The following ADAP2 variants were observed in gnomAD, a reference collection of about 807,000 sequenced individuals.
The protein encoded by ADAP2 is arf-GAP with dual PH domain-containing protein 2.
ADAP2 carries 42 observed loss-of-function variants against 54.9 expected under a neutral mutation model. The ratio of observed to expected loss-of-function variants is 0.77; its 90% confidence interval spans 0.60 to 0.99. The LOEUF (loss-of-function observed/expected upper bound fraction) is 0.99. Among genes scored for constraint, ADAP2 ranks in the 50% least tolerant of loss-of-function variants. The probability of loss-of-function intolerance (pLI) is 0.00; values close to 1 mark genes in which losing one functional copy is unlikely to be tolerated. For synonymous variants in ADAP2, 177 were observed against 180.1 expected (o/e 0.98, Z 0.14); for missense variants, 429 against 480.4 (o/e 0.89, Z 1.00).
At chr17:30,935,001 C>T (rs185913481) in intron 5 of ADAP2, among the ~76,000 whole-genome samples, 2 of 151,790 alleles carry the variant, frequency 1.3e-5, no homozygotes, top group South Asian at 2.1e-4. Context: ...TGCATTGAGC[C>T]GAGATTGTGC....
chr17:30,933,166 G>A (rs1191481392), intron 4 of ADAP2, among the ~76,000 whole-genome samples: 2 of 152,096 alleles, frequency 1.3e-5, no homozygotes. Flanking sequence ...CTGGCTACCA[G>A]GACCACAAAT....
At chr17:30,935,585 A>G (rs945680409) in intron 5 of ADAP2, among the ~76,000 whole-genome samples, 15 of 152,194 alleles carry the variant, frequency 9.9e-5, no homozygotes, top group African/African-American at 3.4e-4. Context: ...CCCTGAGCAC[A>G]GGTATGGTCA....
intron 2 of ADAP2, among the ~76,000 whole-genome samples, chr17:30,923,628 G>T (rs1653716162): frequency 6.6e-6 from 1 of 151,220 alleles, no homozygotes; most frequent in Non-Finnish European, 1.5e-5. Flanking sequence ...ACCTAGCTGT[G>T]GACCCTCAGT....
chr17:30,951,654 C>CTTTTTTTT (rs1053982493), intron 7 of ADAP2, among the ~76,000 whole-genome samples: 1 of 121,042 alleles, frequency 8.3e-6, no homozygotes, highest in Non-Finnish European at 1.7e-5. Context: ...CTTTTCTTTT[C>CTTTTTTTT]TTTTTTTTTT....
chr17:30,955,085 A>T (rs922596301), intron 9 of ADAP2, among the ~76,000 whole-genome samples: 3 of 151,146 alleles, frequency 2.0e-5, no homozygotes, highest in Non-Finnish European at 4.4e-5. Context: ...GATTTTAATA[A>T]GTGCTCCGTA....
chr17:30,957,196 T>C (rs1876432), intron 10 of ADAP2, among the ~76,000 whole-genome samples: 31,534 of 152,164 alleles, frequency 0.21, 10,266 homozygotes, highest in African/African-American at 0.7. Context: ...GACTGTCCCA[T>C]AAAGGCCAAA....
chr17:30,927,429 C>T (rs1156617291), intron 3 of ADAP2, among the ~76,000 whole-genome samples: 6 of 151,808 alleles, frequency 4.0e-5, no homozygotes, highest in South Asian at 2.1e-4. Context: ...CTGGCTAACA[C>T]GGTGAAAGCC....
rs1349608110 is a variant in ADAP2 at position 30,955,794 on chromosome 17, T to TGGG, written c.883-446_883-444dup. 4.0e-5 allele frequency among the ~76,000 whole-genome samples: 6 copies of TGGG among 151,334 alleles called. No individual in the cohort carries two copies. In the East Asian group the frequency reaches 1.2e-3, roughly 29 times the overall value. Reference sequence around the variant, plus strand: ...GTCCTAGCTGCTTGGGAGGCTGAGGTGGGAGGATTGCCTGAGCCTGGGAGG... The same window carrying TGGG: ...GTCCTAGCTGCTTGGGAGGCTGAGGTGGGGGGAGGATTGCCTGAGCCTGGGAGG... On this transcript the variant is annotated intron_variant, in intron 9 of 10. Coordinates refer to ENST00000330889, the MANE Select transcript of ADAP2 (RefSeq NM_018404.3).
At chr17:30,953,187 C>T in intron 7 of ADAP2, 101 bp from the exon 8 acceptor site, 3 of 992,788 alleles carry the variant, frequency 3.0e-6, no homozygotes, top group Non-Finnish European at 4.8e-6. Context: ...AGCGTACATC[C>T]TTCCCCATTT....
chr17:30,945,091 G>A (rs370889542), intron 6 of ADAP2, 38 bp downstream of exon 6: 71 of 1,607,170 alleles, frequency 4.4e-5, no homozygotes, highest in Admixed American at 1.2e-4. Flanking sequence ...CCTCCAGCTC[G>A]CACCCCAGGA....
At chr17:30,927,601 C>T (rs1180010044) in intron 3 of ADAP2, among the ~76,000 whole-genome samples, 21 of 143,916 alleles carry the variant, frequency 1.5e-4, no homozygotes, top group African/African-American at 4.6e-4. Context: ...GGCAACACAG[C>T]GAGACTCCGG....
intron 3 of ADAP2, among the ~76,000 whole-genome samples, chr17:30,930,865 T>G (rs934439797): frequency 6.6e-6 from 1 of 152,206 alleles, no homozygotes; most frequent in Non-Finnish European, 1.5e-5. Flanking sequence ...CTGATTGAGA[T>G]CACATTAAAC....
chr17:30,940,850 T>C (rs1912222536), intron 5 of ADAP2, among the ~76,000 whole-genome samples: 1 of 152,222 alleles, frequency 6.6e-6, no homozygotes, highest in Non-Finnish European at 1.5e-5. Flanking sequence ...CAGATGTTAT[T>C]GTTCTTTGGC....
intron 5 of ADAP2, among the ~76,000 whole-genome samples, chr17:30,944,585 G>A (rs749908041): frequency 6.6e-6 from 1 of 152,246 alleles, no homozygotes; most frequent in Middle Eastern, 3.4e-3. Context: ...TCAGTCTTCC[G>A]AGTTGTTGGG....
chr17:30,933,445 C>T lies in ADAP2; in HGVS notation c.398-740C>T, dbSNP rs189612128. Among the ~76,000 whole-genome samples the T allele has an allele frequency of 5.8e-4, 89 of 152,202 alleles. 1 individual carries two copies. The highest frequency in any genetic ancestry group is 2.1e-3 in the African/African-American group (88 of 41,536). On this transcript the variant is annotated intron_variant, in intron 4 of 10. Transcript: ENST00000330889. Reference sequence around the variant, plus strand: ...TCAAGTGATCTGTCTGCCTTGGCTTCCCAAGGTGTCAAGATTACAGGTGTG... The same window carrying T: ...TCAAGTGATCTGTCTGCCTTGGCTTTCCAAGGTGTCAAGATTACAGGTGTG...
intron 9 of ADAP2, 29 bp downstream of exon 9, chr17:30,954,584 G>C (rs1175197092): frequency 9.4e-6 from 15 of 1,593,514 alleles, no homozygotes; most frequent in Non-Finnish European, 1.3e-5. Flanking sequence ...CCCTCCCCAG[G>C]GCTTCCTCAA....
At chr17:30,942,699 A>G (rs994964974) in intron 5 of ADAP2, among the ~76,000 whole-genome samples, 2 of 152,224 alleles carry the variant, frequency 1.3e-5, no homozygotes, top group African/African-American at 4.8e-5. Flanking sequence ...GACCTCAAAA[A>G]TATAATGTTG....
intron 4 of ADAP2, among the ~76,000 whole-genome samples, chr17:30,933,191 A>G (rs1444221281): frequency 6.6e-6 from 1 of 152,132 alleles, no homozygotes; most frequent in East Asian, 1.9e-4. Context: ...CTATTTATTT[A>G]TGTATTTATT....
At chr17:30,945,367 C>A (rs2089464) in intron 6 of ADAP2, among the ~76,000 whole-genome samples, 4 of 151,984 alleles carry the variant, frequency 2.6e-5, no homozygotes, top group African/African-American at 9.7e-5. Flanking sequence ...GTTCTGAATA[C>A]GGGGGAGGAA....
Sources: allele counts gnomAD v4.1 joint callset (sites outside exome capture counted in the v4.1 genomes callset), GRCh38; gene constraint gnomAD v4.1.1; transcripts MANE v1.5; gene names NCBI Gene and HGNC (gene_info 2026-07-23, HGNC 2026-07-21).